Variants in DOK6 observed in about 807,000 individuals in gnomAD.
The protein encoded by DOK6 is downstream of tyrosine kinase 6.
Under a neutral mutation model 44.0 loss-of-function variants are expected in DOK6, and 22 were observed. The observed-to-expected ratio is 0.50, with a 90% CI of 0.36 to 0.71. The LOEUF (loss-of-function observed/expected upper bound fraction) is 0.71, where lower values mean the gene tolerates loss of function less well. Among genes scored for constraint, DOK6 ranks in the 30% least tolerant of loss-of-function variants. The pLI is 0.00. For synonymous variants in DOK6, 166 were observed against 145.5 expected (o/e 1.14, Z -1.01); for missense variants, 340 against 416.4 (o/e 0.82, Z 1.60).
chr18:69,510,004 A>C (rs1286752863), intron 1 of DOK6, among the ~76,000 whole-genome samples: 1 of 152,222 alleles, frequency 6.6e-6, no homozygotes, highest in African/African-American at 2.4e-5. Context: ...TTATTAAATC[A>C]ATGTTGCCGC....
At position 69,747,667 on chromosome 18, in the gene DOK6, T is replaced by A. The variant is rs189608788; in HGVS notation, c.738+8564T>A. ...GGGCTCAGAGTCTAGAGAACTGTTT[T>A]CTATTGGGAGCTCTGTAGTTGAGAT... On this transcript the variant is annotated intron_variant, in intron 6 of 7. Transcript: ENST00000382713. Among the ~76,000 whole-genome samples the A allele has an allele frequency of 2.6e-5, 4 of 151,858 alleles. No homozygotes were observed. The East Asian group carries it at 7.8e-4, about 30-fold the overall frequency.
intron 1 of DOK6, among the ~76,000 whole-genome samples, chr18:69,484,566 A>G (rs1980519641): frequency 6.6e-6 from 1 of 152,214 alleles, no homozygotes; most frequent in African/African-American, 2.4e-5. Context: ...CCTAGAGGAA[A>G]TACAGGGTTG....
At chr18:69,587,543 G>A (rs1057361821) in intron 2 of DOK6, among the ~76,000 whole-genome samples, 3 of 152,080 alleles carry the variant, frequency 2.0e-5, no homozygotes, top group African/African-American at 7.2e-5. Context: ...CTAGGGACTA[G>A]GACTTGGACA....
At chr18:69,450,857 T>C (rs1979440620) in intron 1 of DOK6, among the ~76,000 whole-genome samples, 2 of 148,050 alleles carry the variant, frequency 1.4e-5, no homozygotes, top group African/African-American at 5.0e-5. Flanking sequence ...GACAAGCAAA[T>C]GCTGAGAGAT....
At chr18:69,661,496 G>A (rs1471975086) in intron 3 of DOK6, 1 of 152,206 alleles carries the variant, frequency 6.6e-6, no homozygotes, top group African/African-American at 2.4e-5. Context: ...GCATCTCCTA[G>A]ATAGGAAATT....
chr18:69,667,424 T>C (rs1368283419), intron 3 of DOK6, among the ~76,000 whole-genome samples: 2 of 152,230 alleles, frequency 1.3e-5, no homozygotes, highest in East Asian at 1.9e-4. Context: ...AGCTGTCTTT[T>C]GTCTTCCAAC....
At chr18:69,759,055 A>G (rs1431447076) in intron 7 of DOK6, among the ~76,000 whole-genome samples, 3 of 152,008 alleles carry the variant, frequency 2.0e-5, no homozygotes, top group South Asian at 4.1e-4. Flanking sequence ...TATATTGTAA[A>G]GGGACTCTCT....
At chr18:69,612,468 T>TGTGCG (rs1351653077) in intron 3 of DOK6, among the ~76,000 whole-genome samples, 46 of 149,596 alleles carry the variant, frequency 3.1e-4, no homozygotes, top group Admixed American at 4.0e-4. Context: ...CGTGCATATG[T>TGTGCG]ATTTCTTGCT....
At chr18:69,607,628 A>G (rs1984034015) in intron 3 of DOK6, among the ~76,000 whole-genome samples, 1 of 152,182 alleles carries the variant, frequency 6.6e-6, no homozygotes, top group Non-Finnish European at 1.5e-5. Flanking sequence ...TGGAGTAGGG[A>G]AAATTATTTA....
chr18:69,618,286 A>T (rs1404607965), intron 3 of DOK6, among the ~76,000 whole-genome samples: 2 of 152,212 alleles, frequency 1.3e-5, no homozygotes, highest in Non-Finnish European at 2.9e-5. Flanking sequence ...GCTCTTCCGA[A>T]TCAATTGTTC....
intron 3 of DOK6, among the ~76,000 whole-genome samples, chr18:69,601,398 G>A (rs765231618): frequency 7.9e-5 from 12 of 152,046 alleles, no homozygotes; most frequent in Non-Finnish European, 1.3e-4. Flanking sequence ...ATAATATATC[G>A]ATATTGATCT....
intron 6 of DOK6, among the ~76,000 whole-genome samples, chr18:69,747,643 G>A (rs1007874488): frequency 8.6e-5 from 13 of 151,010 alleles, no homozygotes; most frequent in African/African-American, 2.2e-4. Context: ...AAGAGCAATG[G>A]GCTCAGAGTC....
chr18:69,595,991 C>A (rs9319784), intron 2 of DOK6, among the ~76,000 whole-genome samples: 144,816 of 152,156 alleles, frequency 0.95, 69,317 homozygotes, highest in East Asian at 1. Context: ...CATTTTCAAC[C>A]GGGTGTGGAA....
At chr18:69,822,547 G>A (rs1017584705) in intron 7 of DOK6, among the ~76,000 whole-genome samples, 2 of 152,152 alleles carry the variant, frequency 1.3e-5, no homozygotes, top group African/African-American at 4.8e-5. Flanking sequence ...TTTAAAATAG[G>A]CAATAATCCA....
At chr18:69,735,856 A>G (rs779659421) in intron 5 of DOK6, among the ~76,000 whole-genome samples, 7 of 152,260 alleles carry the variant, frequency 4.6e-5, no homozygotes, top group Non-Finnish European at 8.8e-5. Context: ...TCCTAAAAAT[A>G]GGAATGGAGA....
At chr18:69,746,501 C>CT (rs1420341538) in intron 6 of DOK6, among the ~76,000 whole-genome samples, 5 of 152,126 alleles carry the variant, frequency 3.3e-5, no homozygotes, top group African/African-American at 1.2e-4. Flanking sequence ...GGCAATCTGC[C>CT]CAGTTTGGCC....
intron 1 of DOK6, among the ~76,000 whole-genome samples, chr18:69,406,953 C>T (rs780267722): frequency 6.6e-6 from 1 of 152,028 alleles, no homozygotes; most frequent in Non-Finnish European, 1.5e-5. Context: ...CAGAGGCCAG[C>T]GCCTGTAATT....
chr18:69,804,146 G>A (rs1239687205), intron 7 of DOK6, among the ~76,000 whole-genome samples: 1 of 152,130 alleles, frequency 6.6e-6, no homozygotes. Context: ...AAAATGACCT[G>A]GGGGAGAGCA....
chr18:69,580,505 T>C (rs1342963020), intron 2 of DOK6, among the ~76,000 whole-genome samples: 1 of 152,194 alleles, frequency 6.6e-6, no homozygotes, highest in African/African-American at 2.4e-5. Context: ...GGAATCTTTC[T>C]TTCATTTTCC....
Sources: allele counts gnomAD v4.1 joint callset (sites outside exome capture counted in the v4.1 genomes callset), GRCh38; gene constraint gnomAD v4.1.1; transcripts MANE v1.5; gene names NCBI Gene and HGNC (gene_info 2026-07-23, HGNC 2026-07-21).